Variants in GTF3C6 observed in about 807,000 individuals in gnomAD.
The protein encoded by GTF3C6 is general transcription factor IIIC subunit 6.
In GTF3C6, 11 loss-of-function variants were observed where a neutral mutation model predicts 19.2. That is an observed-to-expected ratio of 0.57 (90% confidence interval 0.36 to 0.95). GTF3C6 has a LOEUF of 0.95. Ranked by LOEUF, GTF3C6 falls within the 40% of genes least tolerant of loss-of-function variation. The pLI is 0.01. For missense variants in GTF3C6, 222 were observed against 254.7 expected, an observed-to-expected ratio of 0.87 and a Z score of 0.87; for synonymous variants, 87 against 84.2, an observed-to-expected ratio of 1.03 and a Z score of -0.18.
intron 5 of GTF3C6, among the ~76,000 whole-genome samples, chr6:110,963,622 C>A (rs1050719932): frequency 6.6e-6 from 1 of 151,638 alleles, no homozygotes; most frequent in Non-Finnish European, 1.5e-5. Context: ...CACAATAGTT[C>A]TGAATTCCCA....
intron 2 of GTF3C6, among the ~76,000 whole-genome samples, chr6:110,959,828 G>T (rs1325668480): frequency 6.6e-6 from 1 of 151,860 alleles, no homozygotes; most frequent in Non-Finnish European, 1.5e-5. Flanking sequence ...ATGGTGGTGG[G>T]CGCCTGTAAT....
At chr6:110,967,086 G>A (rs9374232) in intron 5 of GTF3C6, among the ~76,000 whole-genome samples, 37,517 of 151,884 alleles carry the variant, frequency 0.25, 5,333 homozygotes, top group East Asian at 0.65. Context: ...CAGGGAGGCG[G>A]AGGTTGCACT....
At chr6:110,967,026 AC>A (rs1771238440) in intron 5 of GTF3C6, among the ~76,000 whole-genome samples, 1 of 151,974 alleles carries the variant, frequency 6.6e-6, no homozygotes, top group Non-Finnish European at 1.5e-5. Context: ...GGTGGCACAC[AC>A]CTGTAATCCC....
Position 110,958,795 on chromosome 6 carries a change from G to T in GTF3C6, c.26G>T (p.Ser9Ile). MAAAADERSPEDGEDEEEE... is the reference protein window; with the variant it reads MAAAADERIPEDGEDEEEE... ...ATGGCGGCGGCGGCGGACGAGCGGA[G>T]TCCAGAGGACGGAGAAGACGAGGAA... Residue 9 changes from serine (S) to isoleucine (I), a missense_variant, in exon 1 of 6, where the codon AGT becomes ATT. Coordinates refer to ENST00000329970, the MANE Select transcript of GTF3C6 (RefSeq NM_138408.4). 1.9e-6 allele frequency: 3 copies of T among 1,551,216 alleles called. No homozygotes were observed. The South Asian group carries it at 3.6e-5, about 18-fold the overall frequency.
At chr6:110,960,739 T>A in intron 4 of GTF3C6, 123 bp downstream of exon 4, 2 of 841,144 alleles carry the variant, frequency 2.4e-6, no homozygotes, top group Non-Finnish European at 3.8e-6. Flanking sequence ...CAAACGTGAC[T>A]CAGATTATAG....
chr6:110,967,529 A>T lies in GTF3C6; in HGVS notation c.381A>T (p.Gln127His). ...EENIGGVEWL[Q>H]IKDNDFSYRP... ...AATTAGGTGGGGTGGAATGGCTGCA[A>T]ATAAAGGATAATGATTTCTCCTATC... Residue 127 changes from glutamine to histidine, a missense_variant, in exon 6 of 6, where the codon CAA (glutamine) becomes CAT (histidine). Coordinates refer to ENST00000329970, the MANE Select transcript of GTF3C6 (RefSeq NM_138408.4). The T allele has an allele frequency of 6.2e-7, 1 of 1,611,636 alleles. No homozygotes were observed. Among genetic ancestry groups the T allele is most frequent in the African/African-American group, 1.3e-5 (1 of 74,972 alleles).
rs1458262679 is a variant in GTF3C6, at chr6:110,958,955, C to T, written c.57+129C>T. On this transcript the variant is annotated intron_variant, in intron 1 of 5. Transcript: ENST00000329970. ...CACTGCTCCTCACCGGCTTCTTGCT[C>T]CTGGGCGCGAGGAGCCGGGCAGCTT... is the stretch of plus-strand genomic sequence containing the variant. 1.2e-5 allele frequency: 14 copies of T among 1,146,280 alleles called. No individual in the cohort carries two copies. The Admixed American group carries it at 1.6e-4, about 13-fold the overall frequency. The allele number at this position is 1,146,280 out of a possible 1,614,324, so 71.0% of individuals were successfully genotyped here.
At chr6:110,961,924 GAC>G (rs1771165988) in intron 4 of GTF3C6, among the ~76,000 whole-genome samples, 1 of 133,502 alleles carries the variant, frequency 7.5e-6, no homozygotes, top group Non-Finnish European at 1.6e-5. Context: ...TTTTTCTTGA[GAC>G]AGTTTTGCTT....
At chr6:110,963,173 C>T (rs1771187118) in intron 5 of GTF3C6, among the ~76,000 whole-genome samples, 1 of 152,056 alleles carries the variant, frequency 6.6e-6, no homozygotes, top group Admixed American at 6.6e-5. Context: ...CTACCTTGGC[C>T]TACAAAGTGC....
Position 110,959,275 on chromosome 6 carries a change from G to A in GTF3C6, c.138+23G>A, listed in dbSNP as rs765269714. 1.6e-5 allele frequency: 22 copies of A among 1,385,560 alleles called. No individual in the cohort carries two copies. The East Asian group carries it at 3.9e-4, about 25-fold the overall frequency. 85.8% of individuals were successfully genotyped at this position (1,385,560 alleles called of 1,614,324 possible). On this transcript the variant is annotated intron_variant, in intron 2 of 5. Transcript: ENST00000329970. ...TTGGTGAGTTTTCTAGACTTGGGGG[G>A]ATTGTTCTAGAGTGTCTTAAATGTA...
chr6:110,961,926 C>CAG (rs71553316), intron 4 of GTF3C6, among the ~76,000 whole-genome samples: 37,382 of 149,910 alleles, frequency 0.25, 5,330 homozygotes, highest in East Asian at 0.65. Flanking sequence ...TTTCTTGAGA[C>CAG]AGTTTTGCTT....
At position 110,960,412 on chromosome 6, in the gene GTF3C6, A is replaced by G. The variant is rs934944051; in HGVS notation, c.139-2A>G. ...TTTTTATGATCCTTTATTCTGTTGTAGGGCATTGACACTGAGAGGCCCATT... is the reference window on the plus strand; with the variant it reads ...TTTTTATGATCCTTTATTCTGTTGTGGGGCATTGACACTGAGAGGCCCATT... On this transcript the variant is annotated splice_acceptor_variant, in intron 2 of 5. Coordinates refer to ENST00000329970, the MANE Select transcript of GTF3C6 (RefSeq NM_138408.4). LOFTEE classifies it high-confidence loss of function. The G allele has an allele frequency of 1.6e-5, 26 of 1,609,474 alleles. No homozygotes were observed. The highest frequency in any genetic ancestry group is 2.2e-5 in the Non-Finnish European group (26 of 1,177,572).
At chr6:110,966,805 C>T (rs183249179) in intron 5 of GTF3C6, among the ~76,000 whole-genome samples, 4 of 150,482 alleles carry the variant, frequency 2.7e-5, no homozygotes, top group African/African-American at 4.9e-5. Context: ...ACTAGGAGAA[C>T]GATGTTATTG....
intron 5 of GTF3C6, among the ~76,000 whole-genome samples, chr6:110,967,009 C>T (rs1771238212): frequency 6.6e-6 from 1 of 151,940 alleles, no homozygotes; most frequent in Admixed American, 6.6e-5. Context: ...AAAAATTAGC[C>T]AGGCATGGTG....
At chr6:110,967,483 G>T (rs1328637178) in intron 5 of GTF3C6, 27 bp from the exon 6 acceptor site, 10 of 1,553,648 alleles carry the variant, frequency 6.4e-6, no homozygotes, top group Admixed American at 2.1e-5. Context: ...TTCTTTTTTT[G>T]TTTATTCCTC....
chr6:110,962,336 CTTTG>C, intron 4 of GTF3C6, 52 bp from the exon 5 acceptor site: 1 of 923,416 alleles, frequency 1.1e-6, no homozygotes, highest in Non-Finnish European at 1.7e-6. Context: ...AAGGCTTCAT[CTTTG>C]TTTTATTTGA....
Position 110,960,735 on chromosome 6 carries a change from T to A in GTF3C6, c.247+119T>A, listed in dbSNP as rs1771149706. On this transcript the variant is annotated intron_variant, in intron 4 of 5. Transcript: ENST00000329970. Reference sequence around the variant, plus strand: ...TCATATCCTATCATTTTCCCAAACGTGACTCAGATTATAGTTAAAAAAAAA... The same window carrying A: ...TCATATCCTATCATTTTCCCAAACGAGACTCAGATTATAGTTAAAAAAAAA... 4.6e-6 allele frequency: 4 copies of A among 861,354 alleles called. No homozygotes were observed. In the East Asian group the frequency reaches 1.0e-4, roughly 22 times the overall value. The allele number at this position is 861,354 out of a possible 1,614,324, so 53.4% of individuals were successfully genotyped here.
Position 110,960,749 on chromosome 6 carries a change from G to A in GTF3C6, c.247+133G>A. On this transcript the variant is annotated intron_variant, in intron 4 of 5. Coordinates refer to ENST00000329970, the MANE Select transcript of GTF3C6 (RefSeq NM_138408.4). ...TTTCCCAAACGTGACTCAGATTATA[G>A]TTAAAAAAAAAAAATGCCAGGCTGG... The A allele has an allele frequency of 5.2e-6, 4 of 767,866 alleles. No individual in the cohort carries two copies. The African/African-American group carries it at 5.9e-5, about 11-fold the overall frequency. The allele number at this position is 767,866 out of a possible 1,614,324, so 47.6% of individuals were successfully genotyped here. A position where few individuals can be genotyped will look rare whatever the true frequency, so the allele number is the denominator to read the frequency against.
chr6:110,959,463 A>C (rs1319112384), intron 2 of GTF3C6, among the ~76,000 whole-genome samples: 2 of 152,194 alleles, frequency 1.3e-5, no homozygotes, highest in Non-Finnish European at 2.9e-5. Flanking sequence ...AGCAGATAGG[A>C]GAAAATGGCT....
Sources: gnomAD v4.1 joint callset for allele counts (sites outside exome capture counted in the v4.1 genomes callset) on GRCh38, gnomAD v4.1.1 for gene constraint, MANE v1.5 for transcripts, NCBI Gene and HGNC (gene_info 2026-07-23, HGNC 2026-07-21) for gene names.